MTBP: variants seen among roughly 807,000 people sequenced by gnomAD.
MTBP encodes MDM2 binding protein, also known as mdm2-binding protein.
Under a neutral mutation model 117.0 loss-of-function variants are expected in MTBP, and 101 were observed. That is an observed-to-expected ratio of 0.86 (90% confidence interval 0.73 to 1.02). The LOEUF is 1.02. MTBP is among the 50% of genes least tolerant of loss of function. The pLI, the probability that MTBP is intolerant of heterozygous loss-of-function variation, is 0.00. For synonymous variants in MTBP, 350 were observed against 351.5 expected, an observed-to-expected ratio of 1.00 and a Z score of 0.05; for missense variants, 970 against 1,030.9, an observed-to-expected ratio of 0.94 and a Z score of 0.81.
chr8:120,523,551 G>T lies in MTBP; in HGVS notation c.*215G>T. ...TAATTAGATACATATTTTGTAAAGT[G>T]TTACTATATTTTAAAGTTATTTTTA... is the stretch of plus-strand genomic sequence containing the variant. On this transcript the variant is annotated 3_prime_UTR_variant, in exon 22 of 22. Coordinates refer to ENST00000305949, the MANE Select transcript of MTBP (RefSeq NM_022045.5). The T allele has an allele frequency of 3.7e-6, 1 of 273,434 alleles. No homozygotes were observed. The highest frequency in any genetic ancestry group is 6.8e-6 in the Non-Finnish European group (1 of 147,250). The allele number at this position is 273,434 out of a possible 1,614,324, so 16.9% of individuals were successfully genotyped here.
intron 9 of MTBP, among the ~76,000 whole-genome samples, chr8:120,463,360 TA>T (rs1387197260): frequency 6.6e-6 from 1 of 152,142 alleles, no homozygotes; most frequent in Non-Finnish European, 1.5e-5. Flanking sequence ...ACATTTTATA[TA>T]AAAAGAAATT....
intron 5 of MTBP, among the ~76,000 whole-genome samples, chr8:120,454,727 C>T (rs1042660280): frequency 1.3e-5 from 2 of 151,970 alleles, no homozygotes; most frequent in Non-Finnish European, 2.9e-5. Flanking sequence ...AGTTGACAAA[C>T]GTATCAACTT....
chr8:120,512,467 T>C (rs1028977053), intron 17 of MTBP, among the ~76,000 whole-genome samples: 2 of 152,126 alleles, frequency 1.3e-5, no homozygotes, highest in African/African-American at 4.8e-5. Context: ...TAATTTACTA[T>C]AGAAGAAATC....
chr8:120,495,543 T>TCC (rs755634065), intron 13 of MTBP, among the ~76,000 whole-genome samples: 4 of 151,692 alleles, frequency 2.6e-5, no homozygotes, highest in Non-Finnish European at 4.4e-5. Context: ...TTCCTCCCAT[T>TCC]CTCTCTCTCT....
intron 15 of MTBP, among the ~76,000 whole-genome samples, chr8:120,503,448 G>C (rs1181261987): frequency 1.3e-5 from 2 of 152,170 alleles, no homozygotes; most frequent in African/African-American, 2.4e-5. Flanking sequence ...TTTATTTGTT[G>C]TGGGGAGGGA....
intron 11 of MTBP, chr8:120,473,133 G>A (rs1813857177): frequency 6.6e-6 from 1 of 152,060 alleles, no homozygotes; most frequent in Admixed American, 6.6e-5. Flanking sequence ...TATAATGCCT[G>A]ATACAATGTA....
At chr8:120,452,266 T>C (rs553455605) in intron 4 of MTBP, 1 of 152,354 alleles carries the variant, frequency 6.6e-6, no homozygotes, top group African/African-American at 2.4e-5. Context: ...TGTAAGTAGC[T>C]GTAGACTTAA....
At chr8:120,479,457 A>G (rs1480144126) in intron 11 of MTBP, among the ~76,000 whole-genome samples, 5 of 152,234 alleles carry the variant, frequency 3.3e-5, no homozygotes, top group African/African-American at 7.2e-5. Context: ...GCAAGGTATT[A>G]CTGTGGTGCT....
At chr8:120,498,432 G>A (rs1814515049) in intron 14 of MTBP, among the ~76,000 whole-genome samples, 1 of 152,184 alleles carries the variant, frequency 6.6e-6, no homozygotes, top group Non-Finnish European at 1.5e-5. Flanking sequence ...TGGGGCATGT[G>A]TTCAATAAGT....
chr8:120,490,021 C>T (rs769480344), intron 12 of MTBP, among the ~76,000 whole-genome samples: 7 of 152,142 alleles, frequency 4.6e-5, no homozygotes, highest in Non-Finnish European at 7.3e-5. Flanking sequence ...GAGAGAGACA[C>T]GGCTAAGGCT....
intron 1 of MTBP, 86 bp downstream of exon 1, chr8:120,445,674 G>GA: frequency 9.2e-7 from 1 of 1,083,990 alleles, no homozygotes; most frequent in South Asian, 1.5e-5. Flanking sequence ...GCTGAAGAGG[G>GA]ATCAATATGT....
intron 13 of MTBP, among the ~76,000 whole-genome samples, chr8:120,492,079 G>A (rs1454368780): frequency 6.6e-6 from 1 of 152,218 alleles, no homozygotes; most frequent in African/African-American, 2.4e-5. Flanking sequence ...GTGGGAACCT[G>A]AAACTGAAGA....
At chr8:120,489,789 G>A (rs966355810) in intron 12 of MTBP, among the ~76,000 whole-genome samples, 3 of 152,072 alleles carry the variant, frequency 2.0e-5, no homozygotes, top group South Asian at 2.1e-4. Flanking sequence ...CTGCATGTAC[G>A]CCATTTGCAC....
intron 8 of MTBP, among the ~76,000 whole-genome samples, chr8:120,459,785 T>C (rs532201415): frequency 2.0e-5 from 3 of 152,276 alleles, no homozygotes; most frequent in South Asian, 4.1e-4. Flanking sequence ...AACACACTTA[T>C]CTTACAAAGT....
intron 14 of MTBP, among the ~76,000 whole-genome samples, chr8:120,498,846 G>A (rs976835172): frequency 6.6e-6 from 1 of 152,140 alleles, no homozygotes; most frequent in African/African-American, 2.4e-5. Flanking sequence ...GAGAGAGATT[G>A]GCTTACCAGA....
intron 13 of MTBP, among the ~76,000 whole-genome samples, chr8:120,497,130 C>A (rs989557935): frequency 6.6e-6 from 1 of 152,186 alleles, no homozygotes; most frequent in Non-Finnish European, 1.5e-5. Context: ...CAATATATTT[C>A]TGAAGGCTTT....
chr8:120,498,994 A>G (rs1183101332), intron 14 of MTBP, among the ~76,000 whole-genome samples: 3 of 152,190 alleles, frequency 2.0e-5, no homozygotes, highest in African/African-American at 7.2e-5. Flanking sequence ...AGGAGAGCTC[A>G]TCTTAAAATC....
At position 120,453,953 on chromosome 8, in the gene MTBP, A is replaced by G. The variant is rs184004662; in HGVS notation, c.484+48A>G. The G allele has an allele frequency of 4.2e-4, 448 of 1,068,354 alleles. No homozygotes were observed. In the African/African-American group the frequency reaches 6.7e-3, roughly 16 times the overall value. 66.2% of individuals were successfully genotyped at this position (1,068,354 alleles called of 1,614,324 possible). ...AATAATTTGTATCTTATCTTATTAC[A>G]CTTTATGAATAAATGATAAATTTGT... On this transcript the variant is annotated intron_variant, in intron 5 of 21. Transcript: ENST00000305949.
intron 5 of MTBP, among the ~76,000 whole-genome samples, chr8:120,455,028 G>A (rs900680758): frequency 1.3e-5 from 2 of 151,358 alleles, no homozygotes; most frequent in African/African-American, 2.4e-5. Flanking sequence ...TTCTCTTTTG[G>A]ATAACAAAAT....
Sources: gnomAD v4.1 joint callset for allele counts (sites outside exome capture counted in the v4.1 genomes callset) on GRCh38, gnomAD v4.1.1 for gene constraint, MANE v1.5 for transcripts, NCBI Gene and HGNC (gene_info 2026-07-23, HGNC 2026-07-21) for gene names.